LARP1: variants seen among roughly 807,000 people sequenced by gnomAD.
LARP1 encodes La ribonucleoprotein 1, translational regulator.
A neutral mutation model predicts 122.7 loss-of-function variants in LARP1; 36 were observed. The ratio of observed to expected loss-of-function variants is 0.29; its 90% CI spans 0.22 to 0.39. The LOEUF (loss-of-function observed/expected upper bound fraction) is 0.39, where lower values mean the gene tolerates loss of function less well. Among genes scored for constraint, LARP1 ranks in the 10% least tolerant of loss-of-function variants. LARP1 has a pLI of 1.00. For synonymous variants in LARP1, 539 were observed against 528.7 expected (o/e 1.02, Z -0.27); for missense variants, 1,040 against 1,403.6 (o/e 0.74, Z 4.14).
intron 1 of LARP1, among the ~76,000 whole-genome samples, chr5:154,722,002 C>G (rs1398511526): frequency 6.6e-6 from 1 of 152,230 alleles, no homozygotes; most frequent in African/African-American, 2.4e-5. Context: ...CTCCTCTTCA[C>G]TGTTTCCACT....
At chr5:154,783,062 C>T (rs758548218) in intron 1 of LARP1, among the ~76,000 whole-genome samples, 28 of 152,188 alleles carry the variant, frequency 1.8e-4, no homozygotes, top group Non-Finnish European at 3.2e-4. Context: ...ATAACCCAGG[C>T]ACTCTTTCCT....
At chr5:154,689,084 C>T (rs4958764) in intron 1 of LARP1, among the ~76,000 whole-genome samples, 12,030 of 151,942 alleles carry the variant, frequency 0.079, 1,010 homozygotes, top group African/African-American at 0.21. Flanking sequence ...TTTGGGAGGC[C>T]GAGGTGGGTG....
chr5:154,722,717 A>G (rs561268252), intron 1 of LARP1, among the ~76,000 whole-genome samples: 44 of 124,480 alleles, frequency 3.5e-4, no homozygotes, highest in East Asian at 2.3e-4. Flanking sequence ...GTCTCACTCT[A>G]TCGCCCAGGC....
Position 154,713,891 on chromosome 5 carries a change from C to T in LARP1, c.205+761C>T, listed in dbSNP as rs1755348554. On this transcript the variant is annotated intron_variant, in intron 1 of 18. Transcript: ENST00000336314. ...TGGGGGAGCTGAGGTCTCCCTCAGC[C>T]CTCTGTTAGGGTGTGGCCAGGAGAG... Among the ~76,000 whole-genome samples, 5 of 152,084 alleles carry T rather than the reference C, an allele frequency of 3.3e-5. No homozygotes were observed. In the South Asian group the frequency reaches 8.3e-4, roughly 25 times the overall value.
intron 1 of LARP1, among the ~76,000 whole-genome samples, chr5:154,731,759 G>T (rs1756581617): frequency 6.6e-6 from 1 of 152,148 alleles, no homozygotes; most frequent in African/African-American, 2.4e-5. Flanking sequence ...AGCCAGCGGG[G>T]TGGCTCACGT....
intron 8 of LARP1, among the ~76,000 whole-genome samples, chr5:154,796,992 A>G (rs1757914202): frequency 6.6e-6 from 1 of 152,128 alleles, no homozygotes; most frequent in Non-Finnish European, 1.5e-5. Flanking sequence ...ATTGGATCAA[A>G]TTGTCCCACC....
rs1313962883 is a variant in LARP1, at chr5:154,696,359, AAAC to A, written c.-180+13330_-180+13332del. ...GTGACAGACAGAGACCCTGTCTCAA[AAAC>A]AACAACAGCAACAACAACAAAACCA... On this transcript the variant is annotated intron_variant, in intron 1 of 18. Coordinates refer to the LARP1 transcript ENST00000687700. 4.1e-5 allele frequency among the ~76,000 whole-genome samples: 5 copies of A among 120,710 alleles called. No individual in the cohort carries two copies. In the South Asian group the frequency reaches 8.3e-4, roughly 20 times the overall value. The allele number at this position is 120,710 out of a possible 152,430, so 79.2% of individuals were successfully genotyped here. A position where few individuals can be genotyped will look rare whatever the true frequency, so the allele number is the denominator to read the frequency against.
At chr5:154,795,975 A>G (rs1757751186) in intron 8 of LARP1, among the ~76,000 whole-genome samples, 1 of 118,746 alleles carries the variant, frequency 8.4e-6, no homozygotes, top group Non-Finnish European at 1.6e-5. Context: ...TACATATTAT[A>G]TATTTATATA....
At chr5:154,685,741 T>G (rs1424128021) in intron 1 of LARP1, 14 of 453,984 alleles carry the variant, frequency 3.1e-5, no homozygotes, top group East Asian at 6.6e-5. Context: ...GGAGGCCAAG[T>G]GGGAGAAACA....
chr5:154,731,021 C>T (rs1756529945), intron 1 of LARP1, among the ~76,000 whole-genome samples: 1 of 151,982 alleles, frequency 6.6e-6, no homozygotes, highest in African/African-American at 2.4e-5. Flanking sequence ...GACGGGGTTT[C>T]ACCATGTTGG....
chr5:154,774,334 C>T (rs1298766356), intron 1 of LARP1, among the ~76,000 whole-genome samples: 1 of 152,176 alleles, frequency 6.6e-6, no homozygotes, highest in East Asian at 1.9e-4. Flanking sequence ...CTTGTTTGCA[C>T]TGCAGGGAGT....
intron 1 of LARP1, among the ~76,000 whole-genome samples, chr5:154,774,297 TCTGCATCA>T (rs1021562527): frequency 6.6e-6 from 1 of 152,188 alleles, no homozygotes; most frequent in African/African-American, 2.4e-5. Flanking sequence ...CCAGCCTTTC[TCTGCATCA>T]CTGCATCCCT....
At chr5:154,707,623 T>G (rs554089299) in intron 1 of LARP1, among the ~76,000 whole-genome samples, 1 of 152,320 alleles carries the variant, frequency 6.6e-6, no homozygotes, top group Admixed American at 6.5e-5. Flanking sequence ...AAGACAATTT[T>G]TCCACAGCTG....
intron 10 of LARP1, 31 bp downstream of exon 10, chr5:154,800,073 C>G (rs1758219842): frequency 6.2e-7 from 1 of 1,605,662 alleles, no homozygotes; most frequent in East Asian, 2.2e-5. Flanking sequence ...TGCCTTGGTT[C>G]TAGCACTCTG....
At chr5:154,726,508 T>C (rs1000057443) in intron 1 of LARP1, among the ~76,000 whole-genome samples, 1 of 152,228 alleles carries the variant, frequency 6.6e-6, no homozygotes. Context: ...TTAAAAGATA[T>C]GTGATTAATA....
At chr5:154,692,908 A>G (rs1754288736) in intron 1 of LARP1, among the ~76,000 whole-genome samples, 1 of 152,068 alleles carries the variant, frequency 6.6e-6, no homozygotes, top group African/African-American at 2.4e-5. Context: ...GTGTATATGT[A>G]TATTTCCTCC....
At chr5:154,731,068 G>T (rs150583553) in intron 1 of LARP1, among the ~76,000 whole-genome samples, 1 of 151,856 alleles carries the variant, frequency 6.6e-6, no homozygotes, top group Non-Finnish European at 1.5e-5. Context: ...CAGGTGATCC[G>T]CCTGCCTTGG....
At chr5:154,688,299 G>C (rs1163617410) in intron 1 of LARP1, among the ~76,000 whole-genome samples, 1 of 151,986 alleles carries the variant, frequency 6.6e-6, no homozygotes, top group African/African-American at 2.4e-5. Context: ...TTTGAATTCT[G>C]TTATAGATTT....
chr5:154,750,823 G>A (rs1010870456), upstream of LARP1, among the ~76,000 whole-genome samples: 2 of 151,978 alleles, frequency 1.3e-5, no homozygotes, highest in African/African-American at 4.8e-5. Flanking sequence ...GTGTTGCCCA[G>A]GTGGGTCTCA....
Sources: allele counts gnomAD v4.1 joint callset (sites outside exome capture counted in the v4.1 genomes callset), GRCh38; gene constraint gnomAD v4.1.1; transcripts MANE v1.5; gene names NCBI Gene and HGNC (gene_info 2026-07-23, HGNC 2026-07-21).